PTPRM: variants seen among roughly 807,000 people sequenced by gnomAD.
PTPRM encodes protein tyrosine phosphatase receptor type M.
Under a neutral mutation model 186.7 loss-of-function variants are expected in PTPRM, and 47 were observed. The ratio of observed to expected loss-of-function variants is 0.25; its 90% CI spans 0.20 to 0.32. The LOEUF (loss-of-function observed/expected upper bound fraction) is 0.32. PTPRM is among the 10% of genes least tolerant of loss of function. The pLI is 1.00. For synonymous variants in PTPRM, 668 were observed against 674.9 expected, an observed-to-expected ratio of 0.99 and a Z score of 0.16; for missense variants, 1,494 against 1,865.0, an observed-to-expected ratio of 0.80 and a Z score of 3.66.
chr18:7,729,657 A>G (rs2040617804), intron 1 of PTPRM, among the ~76,000 whole-genome samples: 1 of 152,190 alleles, frequency 6.6e-6, no homozygotes, highest in Non-Finnish European at 1.5e-5. Flanking sequence ...TACTTGCCAT[A>G]TTGTCAGTTC....
At chr18:7,629,395 A>C (rs1357841036) in intron 1 of PTPRM, among the ~76,000 whole-genome samples, 2 of 152,188 alleles carry the variant, frequency 1.3e-5, no homozygotes, top group African/African-American at 4.8e-5. Context: ...CCACTTGTTG[A>C]AAGGATGTGT....
chr18:7,830,178 T>C (rs1035244636), intron 2 of PTPRM, among the ~76,000 whole-genome samples: 1 of 152,162 alleles, frequency 6.6e-6, no homozygotes, highest in African/African-American at 2.4e-5. Context: ...CCACATTTCC[T>C]GTGGGCCCTT....
chr18:8,166,699 C>T (rs1013727647), intron 14 of PTPRM, among the ~76,000 whole-genome samples: 1 of 152,160 alleles, frequency 6.6e-6, no homozygotes, highest in Non-Finnish European at 1.5e-5. Flanking sequence ...ATCACTGTTT[C>T]GCTTTGTAAT....
intron 2 of PTPRM, among the ~76,000 whole-genome samples, chr18:7,854,028 A>G (rs2046983752): frequency 1.3e-5 from 2 of 152,222 alleles, no homozygotes; most frequent in African/African-American, 4.8e-5. Flanking sequence ...AGAATTGGCC[A>G]TTTGTTAGAA....
At chr18:7,678,879 A>C (rs1162462961) in intron 1 of PTPRM, among the ~76,000 whole-genome samples, 1 of 152,202 alleles carries the variant, frequency 6.6e-6, no homozygotes, top group Non-Finnish European at 1.5e-5. Context: ...TTGTGACAAA[A>C]GATATCTGTA....
intron 4 of PTPRM, among the ~76,000 whole-genome samples, chr18:7,907,869 C>G (rs2050071572): frequency 6.6e-6 from 1 of 151,130 alleles, no homozygotes; most frequent in Non-Finnish European, 1.5e-5. Flanking sequence ...GGTTTCCAGC[C>G]ATACAAATTT....
chr18:8,144,416 G>A (rs1459019292), intron 14 of PTPRM, among the ~76,000 whole-genome samples: 1 of 152,154 alleles, frequency 6.6e-6, no homozygotes, highest in Non-Finnish European at 1.5e-5. Flanking sequence ...TATCCCAGGA[G>A]TTCGAGACCA....
intron 1 of PTPRM, among the ~76,000 whole-genome samples, chr18:7,678,087 A>G (rs557743210): frequency 6.6e-6 from 1 of 151,876 alleles, no homozygotes; most frequent in East Asian, 1.9e-4. Flanking sequence ...AAGAGGGGGG[A>G]AGGAAGGACT....
chr18:7,772,240 A>T (rs2144914284), intron 1 of PTPRM, among the ~76,000 whole-genome samples: 1 of 109,268 alleles, frequency 9.2e-6, no homozygotes. Context: ...AAAAGCTAAG[A>T]TCTTTTTTCT....
intron 1 of PTPRM, among the ~76,000 whole-genome samples, chr18:7,652,919 A>G (rs1325334406): frequency 2.0e-5 from 3 of 152,046 alleles, no homozygotes; most frequent in East Asian, 1.9e-4. Flanking sequence ...TACTACTACT[A>G]ATAAAAAAGG....
At chr18:7,956,556 G>A (rs1258515560) in intron 7 of PTPRM, among the ~76,000 whole-genome samples, 2 of 152,252 alleles carry the variant, frequency 1.3e-5, no homozygotes, top group East Asian at 3.9e-4. Flanking sequence ...TTGCTGTTTT[G>A]TACATCTTTC....
intron 2 of PTPRM, among the ~76,000 whole-genome samples, chr18:7,795,274 C>G (rs942008707): frequency 6.6e-6 from 1 of 152,172 alleles, no homozygotes; most frequent in African/African-American, 2.4e-5. Flanking sequence ...TTCTCTCTGA[C>G]CGTAGCCTGG....
rs535574004 is a variant in PTPRM at position 7,827,357 on chromosome 18, G to A, written c.196+53086G>A. On this transcript the variant is annotated intron_variant, in intron 2 of 32. Transcript: ENST00000580170. ...TTTCATTAAAGATAGCTGAAGCCTT[G>A]TAGCCCTTCTGGATTTTCTATTAAA... Among the ~76,000 whole-genome samples, 8 of 152,154 alleles carry A rather than the reference G, an allele frequency of 5.3e-5. No individual in the cohort carries two copies. The East Asian group carries it at 9.7e-4, about 18-fold the overall frequency.
intron 2 of PTPRM, among the ~76,000 whole-genome samples, chr18:7,813,573 G>T (rs528025660): frequency 2.0e-5 from 3 of 152,016 alleles, no homozygotes; most frequent in Non-Finnish European, 2.9e-5. Context: ...GAACTTCGTG[G>T]GCCTTCTGGA....
At chr18:8,207,670 A>G (rs2093949488) in intron 14 of PTPRM, among the ~76,000 whole-genome samples, 1 of 152,174 alleles carries the variant, frequency 6.6e-6, no homozygotes, top group Non-Finnish European at 1.5e-5. Context: ...AATGATTTGT[A>G]TTTTCTTAGA....
At chr18:7,861,471 A>G (rs1000051150) in intron 2 of PTPRM, among the ~76,000 whole-genome samples, 4 of 152,196 alleles carry the variant, frequency 2.6e-5, no homozygotes, top group Non-Finnish European at 5.9e-5. Flanking sequence ...ACAGCATAAT[A>G]TTTAAAAATA....
At chr18:7,674,296 C>T (rs946051390) in intron 1 of PTPRM, among the ~76,000 whole-genome samples, 1 of 152,106 alleles carries the variant, frequency 6.6e-6, no homozygotes, top group Non-Finnish European at 1.5e-5. Flanking sequence ...GAAAACCATC[C>T]TTGTAAAAGA....
chr18:7,987,282 C>T (rs1316667324), intron 7 of PTPRM, among the ~76,000 whole-genome samples: 7 of 152,168 alleles, frequency 4.6e-5, no homozygotes, highest in Non-Finnish European at 8.8e-5. Flanking sequence ...AAGAATTATT[C>T]TTACAGTCAG....
intron 14 of PTPRM, among the ~76,000 whole-genome samples, chr18:8,165,693 C>T (rs576606674): frequency 1.3e-5 from 2 of 152,296 alleles, no homozygotes; most frequent in South Asian, 2.1e-4. Context: ...TCAGGCCAGT[C>T]GCTTCCATGG....
Sources: gnomAD v4.1 joint callset for allele counts (sites outside exome capture counted in the v4.1 genomes callset) on GRCh38, gnomAD v4.1.1 for gene constraint, MANE v1.5 for transcripts, NCBI Gene and HGNC (gene_info 2026-07-23, HGNC 2026-07-21) for gene names.